Variants in MAPK8 observed in about 807,000 individuals in gnomAD.
MAPK8 encodes mitogen-activated protein kinase 8, also known as JUN N-terminal kinase.
MAPK8 carries 13 observed loss-of-function variants against 52.9 expected under a neutral mutation model. The observed-to-expected ratio is 0.25, with a 90% CI of 0.16 to 0.39. The LOEUF (loss-of-function observed/expected upper bound fraction) is 0.39. Ranked by LOEUF, MAPK8 falls within the 10% of genes least tolerant of loss-of-function variation. The probability of loss-of-function intolerance (pLI) is 1.00; values close to 1 mark genes in which losing one functional copy is unlikely to be tolerated. For missense variants in MAPK8, 300 were observed against 519.2 expected, an observed-to-expected ratio of 0.58 and a Z score of 4.10; for synonymous variants, 191 against 169.8, an observed-to-expected ratio of 1.12 and a Z score of -0.97.
At chr10:48,313,656 A>G (rs753913323) in intron 1 of MAPK8, among the ~76,000 whole-genome samples, 4 of 152,214 alleles carry the variant, frequency 2.6e-5, no homozygotes, top group Non-Finnish European at 5.9e-5. Flanking sequence ...TGTCATACAT[A>G]TATACAGTAC....
At chr10:48,371,459 G>A (rs570177899) in intron 1 of MAPK8, among the ~76,000 whole-genome samples, 3 of 152,104 alleles carry the variant, frequency 2.0e-5, no homozygotes, top group Non-Finnish European at 4.4e-5. Flanking sequence ...ATTATTCAAG[G>A]ATTTTTTTCC....
chr10:48,405,066 G>A, intron 3 of MAPK8, 85 bp downstream of exon 3: 1 of 749,676 alleles, frequency 1.3e-6, no homozygotes, highest in Non-Finnish European at 2.1e-6. Context: ...TAAATATTAG[G>A]GGCTTTAAAT....
intron 1 of MAPK8, among the ~76,000 whole-genome samples, chr10:48,330,298 G>T (rs1252559726): frequency 6.6e-6 from 1 of 152,146 alleles, no homozygotes; most frequent in Non-Finnish European, 1.5e-5. Context: ...TAACAGGAAG[G>T]AGTTTTAAAC....
At chr10:48,334,444 C>T (rs1056497038) in intron 1 of MAPK8, among the ~76,000 whole-genome samples, 3 of 152,118 alleles carry the variant, frequency 2.0e-5, no homozygotes, top group Non-Finnish European at 4.4e-5. Flanking sequence ...CACACACACT[C>T]GACCTCCAAA....
intron 1 of MAPK8, among the ~76,000 whole-genome samples, chr10:48,311,223 G>C (rs78504283): frequency 2.6e-5 from 4 of 152,114 alleles, no homozygotes; most frequent in African/African-American, 9.7e-5. Flanking sequence ...ATTTAACTTT[G>C]AACAAACATA....
chr10:48,328,313 CTTTG>C (rs1324869377), intron 1 of MAPK8, among the ~76,000 whole-genome samples: 1 of 142,714 alleles, frequency 7.0e-6, no homozygotes, highest in East Asian at 2.0e-4. Flanking sequence ...TTTTTTTTTT[CTTTG>C]TATTTTCCTG....
intron 5 of MAPK8, among the ~76,000 whole-genome samples, chr10:48,415,834 T>C (rs1375921912): frequency 6.6e-6 from 1 of 152,108 alleles, no homozygotes; most frequent in African/African-American, 2.4e-5. Flanking sequence ...ACAAGCACAG[T>C]TGTATTGGGA....
intron 1 of MAPK8, among the ~76,000 whole-genome samples, chr10:48,328,824 T>C (rs1449757211): frequency 2.0e-5 from 3 of 152,346 alleles, no homozygotes; most frequent in Non-Finnish European, 4.4e-5. Flanking sequence ...TGAAAGTAAT[T>C]TATACTTTGC....
chr10:48,398,443 T>G (rs540419030), intron 1 of MAPK8, among the ~76,000 whole-genome samples: 3 of 152,224 alleles, frequency 2.0e-5, no homozygotes, highest in Non-Finnish European at 4.4e-5. Flanking sequence ...TAGATAAAAT[T>G]AAATGGCAAT....
chr10:48,330,154 C>G (rs1843989104), intron 1 of MAPK8, among the ~76,000 whole-genome samples: 1 of 152,018 alleles, frequency 6.6e-6, no homozygotes, highest in South Asian at 2.1e-4. Flanking sequence ...CTGATAACTG[C>G]TTTTATTTAA....
intron 1 of MAPK8, among the ~76,000 whole-genome samples, chr10:48,376,494 C>T (rs991174704): frequency 2.6e-5 from 4 of 151,986 alleles, no homozygotes; most frequent in Non-Finnish European, 2.9e-5. Context: ...TCTGACAAAG[C>T]GCTAATATCC....
At chr10:48,403,740 TG>T (rs1484162000) in intron 2 of MAPK8, among the ~76,000 whole-genome samples, 3 of 150,682 alleles carry the variant, frequency 2.0e-5, no homozygotes, top group Non-Finnish European at 2.9e-5. Context: ...TTTTGTTTTT[TG>T]TTTTTTTGTT....
chr10:48,333,158 G>T (rs1412800761), intron 1 of MAPK8, among the ~76,000 whole-genome samples: 2 of 152,152 alleles, frequency 1.3e-5, no homozygotes, highest in East Asian at 3.8e-4. Context: ...ATGTCTCTTT[G>T]TTCTCCTCTC....
intron 1 of MAPK8, among the ~76,000 whole-genome samples, chr10:48,394,371 A>G (rs1031295313): frequency 5.9e-5 from 9 of 152,076 alleles, no homozygotes; most frequent in African/African-American, 9.6e-5. Context: ...AGCTGAATCA[A>G]TACATAAAAA....
rs552965495 is a variant in MAPK8, at chr10:48,430,016, G to A, written c.1061-1177G>A. On this transcript the variant is annotated intron_variant, in intron 10 of 11. Transcript: ENST00000374189. The stretch of plus-strand genomic sequence containing the variant: ...GGCATCCACCATTAAGGTTAAGTGT[G>A]GTGTGCCCTGTGAGTCTGAATGTCT... 5.9e-5 allele frequency: 9 copies of A among 152,274 alleles called. No individual in the cohort carries two copies. The East Asian group carries it at 1.7e-3, about 29-fold the overall frequency. 9.4% of individuals were successfully genotyped at this position (152,274 alleles called of 1,614,324 possible).
intron 11 of MAPK8, among the ~76,000 whole-genome samples, chr10:48,432,708 T>G (rs1430821958): frequency 6.6e-6 from 1 of 152,212 alleles, no homozygotes; most frequent in Non-Finnish European, 1.5e-5. Context: ...GTAAATGTAA[T>G]AATTTCATGA....
intron 3 of MAPK8, among the ~76,000 whole-genome samples, chr10:48,407,911 A>G (rs1337358320): frequency 6.6e-6 from 1 of 152,180 alleles, no homozygotes; most frequent in Non-Finnish European, 1.5e-5. Context: ...TATTTGTCCA[A>G]GTCTCCTATT....
At chr10:48,371,255 G>C (rs1217194204) in intron 1 of MAPK8, among the ~76,000 whole-genome samples, 2 of 152,064 alleles carry the variant, frequency 1.3e-5, no homozygotes, top group African/African-American at 2.4e-5. Flanking sequence ...TTCTGAAATA[G>C]AGTATACTGG....
At chr10:48,385,028 A>G (rs750119499) in intron 1 of MAPK8, among the ~76,000 whole-genome samples, 9 of 152,208 alleles carry the variant, frequency 5.9e-5, no homozygotes, top group Admixed American at 4.6e-4. Context: ...GCAAAAAGGT[A>G]TTCATCAGGA....
Sources: gnomAD v4.1 joint callset for allele counts (sites outside exome capture counted in the v4.1 genomes callset) on GRCh38, gnomAD v4.1.1 for gene constraint, MANE v1.5 for transcripts, NCBI Gene and HGNC (gene_info 2026-07-23, HGNC 2026-07-21) for gene names.